The following DHRSX variants were observed in gnomAD, a reference collection of about 807,000 sequenced individuals.
DHRSX encodes the protein polyprenol dehydrogenase.
In DHRSX, 31 loss-of-function variants were observed where a neutral mutation model predicts 34.0. That is an observed-to-expected ratio of 0.91 (90% CI 0.69 to 1.23). DHRSX has a LOEUF of 1.23. Ranked by LOEUF, DHRSX falls within the 50% of genes most tolerant of loss-of-function variation. The pLI, the probability that DHRSX is intolerant of heterozygous loss-of-function variation, is 0.00. For synonymous variants in DHRSX, 201 were observed against 183.8 expected, an observed-to-expected ratio of 1.09 and a Z score of -0.76; for missense variants, 414 against 428.1, an observed-to-expected ratio of 0.97 and a Z score of 0.29.
chrX:2,451,177 G>T (rs1426480576), intron 1 of DHRSX, among the ~76,000 whole-genome samples: 1 of 151,242 alleles, frequency 6.6e-6, no homozygotes, highest in Non-Finnish European at 1.5e-5. Flanking sequence ...AGGGTGCAGT[G>T]AGCTGAGATC....
At chrX:2,333,203 CTT>C (rs2042503711) in intron 3 of DHRSX, among the ~76,000 whole-genome samples, 1 of 152,132 alleles carries the variant, frequency 6.6e-6, no homozygotes, top group African/African-American at 2.4e-5. Flanking sequence ...TTTTTTATAA[CTT>C]TAACACCTTT....
At chrX:2,275,548 A>G (rs1285892837) in intron 4 of DHRSX, among the ~76,000 whole-genome samples, 1 of 150,276 alleles carries the variant, frequency 6.7e-6, no homozygotes, top group Non-Finnish European at 1.5e-5. Context: ...CATGAGGGAA[A>G]TCTCAATGGA....
At chrX:2,420,508 G>C (rs2043765689) in intron 2 of DHRSX, among the ~76,000 whole-genome samples, 1 of 151,938 alleles carries the variant, frequency 6.6e-6, no homozygotes, top group Admixed American at 6.6e-5. Context: ...ATTTTGGGAG[G>C]CTGAGGCAGG....
chrX:2,264,362 C>T (rs1374227461), intron 5 of DHRSX, among the ~76,000 whole-genome samples: 2 of 151,410 alleles, frequency 1.3e-5, no homozygotes, highest in Admixed American at 6.6e-5. Flanking sequence ...GAGCACTGTG[C>T]CCAGAGCACC....
intron 3 of DHRSX, among the ~76,000 whole-genome samples, chrX:2,314,349 G>A (rs1430617887): frequency 5.9e-5 from 1 of 16,844 alleles, no homozygotes; most frequent in Non-Finnish European, 1.3e-4. Flanking sequence ...GGAAAGGAGG[G>A]AGGGAGGGAA....
At chrX:2,333,157 T>TA (rs1276467856) in intron 3 of DHRSX, among the ~76,000 whole-genome samples, 35 of 152,346 alleles carry the variant, frequency 2.3e-4, no homozygotes, top group Non-Finnish European at 4.7e-4. Flanking sequence ...TAAAAAAAGG[T>TA]ATTTCATGAT....
rs1269826440 is a variant in DHRSX at position 2,291,542 on chromosome X, G to C, written c.348C>G (p.Phe116Leu). 6.2e-7 allele frequency: 1 copy of C among 1,613,792 alleles called. No individual in the cohort carries two copies. Among genetic ancestry groups the C allele is most frequent in the Non-Finnish European group, 8.5e-7 (1 of 1,179,862 alleles). Residue 116 changes from phenylalanine to leucine, a missense_variant, in exon 4 of 7, where the codon TTC (phenylalanine) becomes TTG (leucine). Phe to Leu is a conservative substitution (Grantham distance 22). Coordinates refer to ENST00000334651, the MANE Select transcript of DHRSX (RefSeq NM_145177.3). Reference sequence around the variant, plus strand: ...CATGGAGAGGAATCTTCTTCATCTTGAACTTCTGCACAAACTGCCGGATGG... The same window carrying C: ...CATGGAGAGGAATCTTCTTCATCTTCAACTTCTGCACAAACTGCCGGATGG... ...MTSIRQFVQK[F>L]KMKKIPLHVL... is the part of the protein sequence containing the mutation.
chrX:2,269,976 T>A (rs2041527786), intron 4 of DHRSX, among the ~76,000 whole-genome samples: 1 of 152,196 alleles, frequency 6.6e-6, no homozygotes, highest in African/African-American at 2.4e-5. Flanking sequence ...CTTGTGTTTG[T>A]GTGTATCTTA....
At chrX:2,361,850 G>A (rs1326723391) in intron 3 of DHRSX, among the ~76,000 whole-genome samples, 1 of 152,186 alleles carries the variant, frequency 6.6e-6, no homozygotes, top group Non-Finnish European at 1.5e-5. Flanking sequence ...TAATGAACAT[G>A]CTGGAGAGGT....
intron 3 of DHRSX, among the ~76,000 whole-genome samples, chrX:2,326,663 A>C (rs2042389993): frequency 6.6e-6 from 1 of 152,116 alleles, no homozygotes; most frequent in African/African-American, 2.4e-5. Flanking sequence ...TATTGGGGGA[A>C]AGTAACCACT....
intron 1 of DHRSX, among the ~76,000 whole-genome samples, chrX:2,499,645 G>A (rs866405694): frequency 1.3e-5 from 2 of 151,816 alleles, no homozygotes; most frequent in Admixed American, 6.6e-5. Context: ...GGTGGCTCAC[G>A]CCTGTAAACC....
intron 1 of DHRSX, among the ~76,000 whole-genome samples, chrX:2,445,008 T>G (rs1004291486): frequency 5.8e-4 from 88 of 151,950 alleles, no homozygotes; most frequent in African/African-American, 2.0e-3. Flanking sequence ...AATACAAAAA[T>G]TAGCTGGGCC....
chrX:2,330,038 CAATGAGAGTG>C (rs2042437348), intron 3 of DHRSX, among the ~76,000 whole-genome samples: 3 of 115,426 alleles, frequency 2.6e-5, no homozygotes, highest in Non-Finnish European at 5.0e-5. Context: ...ATATGGACGT[CAATGAGAGTG>C]AATGAGAGAG....
chrX:2,490,965 C>T (rs948674031), intron 1 of DHRSX, among the ~76,000 whole-genome samples: 2 of 152,078 alleles, frequency 1.3e-5, no homozygotes, highest in African/African-American at 4.8e-5. Context: ...TACGCTCTTT[C>T]TTCCACGTTA....
intron 1 of DHRSX, among the ~76,000 whole-genome samples, chrX:2,495,791 G>T (rs1023114989): frequency 6.6e-6 from 1 of 151,868 alleles, no homozygotes; most frequent in Non-Finnish European, 1.5e-5. Flanking sequence ...GGTTTGGGGG[G>T]GACACTCCCC....
intron 4 of DHRSX, among the ~76,000 whole-genome samples, chrX:2,276,179 G>C (rs1302083615): frequency 6.6e-6 from 1 of 152,178 alleles, no homozygotes; most frequent in African/African-American, 2.4e-5. Flanking sequence ...GGAAACCAGT[G>C]GTTTTGGGCT....
In DHRSX at chrX:2,463,490, C is replaced by G. The variant is rs7879561; in HGVS notation, c.109+37327G>C. Among the ~76,000 whole-genome samples, 1,306 of 148,424 alleles carry G rather than the reference C, an allele frequency of 8.8e-3. 13 individuals are homozygous for G. The highest frequency in any genetic ancestry group is 0.031 in the African/African-American group (1,236 of 40,184). ...AGAAACACACTAGAGGTCTCTGATGCGATGGGGGCATCTCCAGAAATCCGA... is the reference window on the plus strand; with the variant it reads ...AGAAACACACTAGAGGTCTCTGATGGGATGGGGGCATCTCCAGAAATCCGA... On this transcript the variant is annotated intron_variant, in intron 1 of 6. Transcript: ENST00000334651.
At chrX:2,252,842 A>G (rs1178663432) in intron 5 of DHRSX, among the ~76,000 whole-genome samples, 1 of 152,188 alleles carries the variant, frequency 6.6e-6, no homozygotes, top group African/African-American at 2.4e-5. Flanking sequence ...ACGTAGGAGG[A>G]AATGCCCATT....
At chrX:2,393,940 G>A (rs755851972) in intron 3 of DHRSX, among the ~76,000 whole-genome samples, 16 of 152,066 alleles carry the variant, frequency 1.1e-4, no homozygotes, top group African/African-American at 2.7e-4. Context: ...CGTCTCCTGC[G>A]CACACACAAC....
Sources: gnomAD v4.1 joint callset for allele counts (sites outside exome capture counted in the v4.1 genomes callset) on GRCh38, gnomAD v4.1.1 for gene constraint, MANE v1.5 for transcripts, NCBI Gene and HGNC (gene_info 2026-07-23, HGNC 2026-07-21) for gene names.